MIR2052HG: variants seen among roughly 807,000 people sequenced by gnomAD.
The protein encoded by MIR2052HG is MIR2052 host gene.
intron 2 of MIR2052HG, among the ~76,000 whole-genome samples, chr8:74,664,798 G>A (rs1198885491): frequency 2.0e-5 from 3 of 152,292 alleles, no homozygotes; most frequent in African/African-American, 2.4e-5. Flanking sequence ...GATTACAGGC[G>A]TGAGCCACTG....
chr8:74,629,947 G>C lies in MIR2052HG; in HGVS notation n.216+17007G>C, dbSNP rs373521498. 5.9e-5 allele frequency among the ~76,000 whole-genome samples: 9 copies of C among 152,192 alleles called. No individual in the cohort carries two copies. The South Asian group carries it at 1.9e-3, about 32-fold the overall frequency. ...ACTCCCTCACCCATGCATCCAGCCA[G>C]GCTTTCTCCAAATAAATGTTTGTTG... On this transcript the variant is annotated intron_variant and non_coding_transcript_variant, in intron 2 of 6. Transcript: ENST00000523442.
chr8:74,648,607 C>G (rs996790564), intron 2 of MIR2052HG, among the ~76,000 whole-genome samples: 1 of 152,094 alleles, frequency 6.6e-6, no homozygotes, highest in Admixed American at 6.6e-5. Context: ...GTGATGACAC[C>G]CCCGGAGGCC....
In MIR2052HG at chr8:74,688,334, C is replaced by G. The variant is rs142655593; in HGVS notation, n.217-14045C>G. ...TTCATTACTTAACTTATTAAGCTGA[C>G]AGTTATTACCACAGACTAGGCACTT... is the stretch of plus-strand genomic sequence containing the variant. On this transcript the variant is annotated intron_variant and non_coding_transcript_variant, in intron 2 of 6. Transcript: ENST00000523442. 5.7e-4 allele frequency among the ~76,000 whole-genome samples: 87 copies of G among 152,232 alleles called. 1 individual carries two copies. The East Asian group carries it at 0.015, about 26-fold the overall frequency.
intron 3 of MIR2052HG, chr8:74,702,576 T>C (rs891877196): frequency 1.0e-5 from 2 of 191,688 alleles, no homozygotes; most frequent in Non-Finnish European, 2.3e-5. Context: ...GAGGAGGAGA[T>C]TTCACCACAT....
intron 1 of MIR2052HG, among the ~76,000 whole-genome samples, chr8:74,600,319 T>C (rs538846111): frequency 6.6e-6 from 1 of 151,232 alleles, no homozygotes; most frequent in African/African-American, 2.4e-5. Context: ...GCATGGTGGC[T>C]CACACCTGTA....
At chr8:74,650,540 A>C (rs1311961169) in intron 2 of MIR2052HG, among the ~76,000 whole-genome samples, 2 of 151,992 alleles carry the variant, frequency 1.3e-5, no homozygotes, top group Non-Finnish European at 2.9e-5. Context: ...ATATTTTTTC[A>C]TGTCTCTGGG....
chr8:74,737,632 C>T (rs1296344658), intron 4 of MIR2052HG, among the ~76,000 whole-genome samples: 25 of 152,154 alleles, frequency 1.6e-4, no homozygotes, highest in Admixed American at 1.6e-3. Flanking sequence ...CCTGATCATT[C>T]AGGGCTCAAA....
At chr8:74,668,240 CA>C (rs370589893) in intron 2 of MIR2052HG, among the ~76,000 whole-genome samples, 1,628 of 144,476 alleles carry the variant, frequency 0.011, 19 homozygotes, top group African/African-American at 0.039. Context: ...ATTTCTATTA[CA>C]AAAAAAAAAC....
intron 4 of MIR2052HG, among the ~76,000 whole-genome samples, chr8:74,734,902 G>A (rs1315611422): frequency 2.0e-5 from 3 of 152,238 alleles, no homozygotes; most frequent in Non-Finnish European, 2.9e-5. Context: ...ATTCTTTCCA[G>A]TGGATGTGTT....
At chr8:74,749,259 C>T (rs1340047456) in intron 4 of MIR2052HG, among the ~76,000 whole-genome samples, 1 of 151,940 alleles carries the variant, frequency 6.6e-6, no homozygotes, top group Non-Finnish European at 1.5e-5. Flanking sequence ...ATGACAAAAC[C>T]ATGATTGTTG....
At chr8:74,675,384 C>T (rs1809039853) in intron 2 of MIR2052HG, among the ~76,000 whole-genome samples, 1 of 152,018 alleles carries the variant, frequency 6.6e-6, no homozygotes, top group Admixed American at 6.6e-5. Flanking sequence ...ATAGCATTTA[C>T]ATTATATTAG....
At chr8:74,654,135 A>G (rs560652754) in intron 2 of MIR2052HG, among the ~76,000 whole-genome samples, 2 of 152,288 alleles carry the variant, frequency 1.3e-5, no homozygotes, top group East Asian at 3.9e-4. Flanking sequence ...TGGGGTCTAC[A>G]GAAGAGCAGT....
chr8:74,722,255 G>A (rs1326775994), intron 4 of MIR2052HG, among the ~76,000 whole-genome samples: 1 of 152,180 alleles, frequency 6.6e-6, no homozygotes, highest in African/African-American at 2.4e-5. Context: ...GAGAAATGGA[G>A]CAGCCTCTGC....
intron 1 of MIR2052HG, among the ~76,000 whole-genome samples, chr8:74,611,677 A>G (rs565379301): frequency 3.9e-4 from 59 of 152,342 alleles, no homozygotes; most frequent in East Asian, 7.7e-4. Flanking sequence ...GGACACTACG[A>G]ACAAAATGTA....
chr8:74,727,556 A>G (rs1475653657), intron 4 of MIR2052HG, among the ~76,000 whole-genome samples: 1 of 152,192 alleles, frequency 6.6e-6, no homozygotes, highest in Non-Finnish European at 1.5e-5. Context: ...CTTTCCCACA[A>G]CGTGAACATT....
At chr8:74,644,992 T>C (rs1032410989) in intron 2 of MIR2052HG, among the ~76,000 whole-genome samples, 2 of 152,180 alleles carry the variant, frequency 1.3e-5, no homozygotes, top group African/African-American at 4.8e-5. Context: ...TCATTTTAGA[T>C]GCTTTATTTA....
intron 4 of MIR2052HG, among the ~76,000 whole-genome samples, chr8:74,717,397 A>G (rs1586922271): frequency 6.6e-6 from 1 of 152,274 alleles, no homozygotes; most frequent in South Asian, 2.1e-4. Context: ...TTCTTTATCC[A>G]GTCTCTCATT....
intron 5 of MIR2052HG, chr8:74,757,909 A>G (rs945182247): frequency 6.6e-6 from 1 of 152,094 alleles, no homozygotes; most frequent in African/African-American, 2.4e-5. Flanking sequence ...TGTCAGCCCA[A>G]CCGCCTGAGT....
At chr8:74,652,769 C>G (rs1432513322) in intron 2 of MIR2052HG, among the ~76,000 whole-genome samples, 2 of 152,064 alleles carry the variant, frequency 1.3e-5, no homozygotes, top group Non-Finnish European at 2.9e-5. Flanking sequence ...TATCAAATTA[C>G]CCAGTAGAGA....
Sources: allele counts gnomAD v4.1 joint callset (sites outside exome capture counted in the v4.1 genomes callset), GRCh38; gene constraint gnomAD v4.1.1; transcripts MANE v1.5; gene names NCBI Gene and HGNC (gene_info 2026-07-23, HGNC 2026-07-21).